Variants in ANTXR1 observed in about 807,000 individuals in gnomAD.
ANTXR1 encodes ANTXR cell adhesion molecule 1, also known as anthrax toxin receptor 1.
Under a neutral mutation model 78.1 loss-of-function variants are expected in ANTXR1, and 19 were observed. The ratio of observed to expected loss-of-function variants is 0.24; its 90% CI spans 0.17 to 0.36. The LOEUF is 0.36. Ranked by LOEUF, ANTXR1 falls within the 10% of genes least tolerant of loss-of-function variation. The pLI is 1.00. For missense variants in ANTXR1, 518 were observed against 718.6 expected, an observed-to-expected ratio of 0.72 and a Z score of 3.19; for synonymous variants, 273 against 260.5, an observed-to-expected ratio of 1.05 and a Z score of -0.46.
intron 6 of ANTXR1, among the ~76,000 whole-genome samples, chr2:69,074,840 G>T (rs1670681014): frequency 6.6e-6 from 1 of 152,192 alleles, no homozygotes; most frequent in Non-Finnish European, 1.5e-5. Context: ...CACTGTAAGT[G>T]CCAAGGATTT....
chr2:69,058,591 C>T (rs1393922041), intron 3 of ANTXR1, among the ~76,000 whole-genome samples: 1 of 152,048 alleles, frequency 6.6e-6, no homozygotes, highest in South Asian at 2.1e-4. Flanking sequence ...CACCTGGTCA[C>T]CTAAGAGATC....
chr2:69,210,429 A>G (rs1200277955), intron 17 of ANTXR1, among the ~76,000 whole-genome samples: 1 of 152,242 alleles, frequency 6.6e-6, no homozygotes, highest in Non-Finnish European at 1.5e-5. Context: ...GTCAGTGGGA[A>G]TAACCAAAAT....
chr2:69,211,922 T>C (rs2104499278), intron 17 of ANTXR1, among the ~76,000 whole-genome samples: 1 of 152,286 alleles, frequency 6.6e-6, no homozygotes, highest in South Asian at 2.1e-4. Flanking sequence ...CCGGCCCAAA[T>C]TATGCTGTTC....
intron 12 of ANTXR1, among the ~76,000 whole-genome samples, chr2:69,135,944 T>C (rs1192017641): frequency 6.6e-6 from 1 of 152,282 alleles, no homozygotes; most frequent in East Asian, 1.9e-4. Context: ...TTGCGTACAA[T>C]GAAGACTTAT....
intron 12 of ANTXR1, chr2:69,146,202 T>A (rs1045522515): frequency 3.0e-6 from 3 of 985,260 alleles, no homozygotes; most frequent in African/African-American, 1.7e-5. Context: ...TTAAAACTAT[T>A]CATTGAAGAA....
intron 6 of ANTXR1, among the ~76,000 whole-genome samples, chr2:69,075,102 A>G (rs1670689068): frequency 6.6e-6 from 1 of 152,130 alleles, no homozygotes; most frequent in South Asian, 2.1e-4. Context: ...ATGAGTATCT[A>G]CGTGGTTCTA....
chr2:69,110,584 C>A (rs1319248537), intron 10 of ANTXR1, among the ~76,000 whole-genome samples: 1 of 152,134 alleles, frequency 6.6e-6, no homozygotes, highest in Admixed American at 6.5e-5. Flanking sequence ...ACAGGCCGGG[C>A]GCGGTGGCTC....
Position 69,174,151 on chromosome 2 carries a change from A to G in ANTXR1, c.1089+3862A>G, listed in dbSNP as rs1674059372. The stretch of plus-strand genomic sequence containing the variant: ...TAGTTAAAACATTGTACTTTTTAGC[A>G]TCAAGCAAATCAAGGTCTTAGAATC... On this transcript the variant is annotated intron_variant, in intron 14 of 17. Transcript: ENST00000303714. 1.3e-5 allele frequency among the ~76,000 whole-genome samples: 2 copies of G among 152,222 alleles called. 1 individual carries two copies. The highest frequency in any genetic ancestry group is 1.3e-4 in the Admixed American group (2 of 15,294).
At chr2:69,164,890 GGTCTTTCTAATCAGCTATAAGCAA>G (rs532501891) in intron 13 of ANTXR1, among the ~76,000 whole-genome samples, 33 of 152,346 alleles carry the variant, frequency 2.2e-4, no homozygotes, top group Non-Finnish European at 4.3e-4. Flanking sequence ...CTTCAAAGCT[GGTCTTTCTAATCAGCTATAAGCAA>G]GTCTCAACAG....
At chr2:69,187,076 G>A (rs1674434970) in intron 16 of ANTXR1, among the ~76,000 whole-genome samples, 1 of 152,224 alleles carries the variant, frequency 6.6e-6, no homozygotes, top group Admixed American at 6.5e-5. Context: ...CATTGCATTA[G>A]ACCCATTGCT....
chr2:69,067,171 T>G (rs1205558162), intron 3 of ANTXR1, among the ~76,000 whole-genome samples: 2 of 152,152 alleles, frequency 1.3e-5, no homozygotes, highest in Non-Finnish European at 2.9e-5. Context: ...ATGTGTTATT[T>G]GATCTTTTGA....
In ANTXR1 at chr2:69,096,341, GAA is replaced by G. The variant is rs1671420917; in HGVS notation, c.703+5423_703+5424del. ...GGAAGGGAGGAAGGGAGGAAGGGAG[GAA>G]GGGAGGAAGGGAGGAAGGGAGGAAG... On this transcript the variant is annotated intron_variant, in intron 9 of 17. Transcript: ENST00000303714. 1.2e-4 allele frequency among the ~76,000 whole-genome samples: 2 copies of G among 17,210 alleles called. 1 individual carries two copies. The highest frequency in any genetic ancestry group is 1.1e-3 in the Admixed American group (2 of 1,760). 11.3% of individuals were successfully genotyped at this position (17,210 alleles called of 152,430 possible). A position where few individuals can be genotyped will look rare whatever the true frequency, so the allele number is the denominator to read the frequency against.
chr2:69,174,646 G>C (rs1674072987), intron 14 of ANTXR1, among the ~76,000 whole-genome samples: 1 of 152,130 alleles, frequency 6.6e-6, no homozygotes. Flanking sequence ...GAGAGAGAGA[G>C]AGAGTGTAAC....
intron 8 of ANTXR1, among the ~76,000 whole-genome samples, chr2:69,090,418 C>G (rs1477664497): frequency 6.6e-6 from 1 of 152,036 alleles, no homozygotes; most frequent in African/African-American, 2.4e-5. Context: ...TTCCATGAAG[C>G]CTTTCCTAGC....
At chr2:69,082,438 A>G (rs1403450825) in intron 8 of ANTXR1, among the ~76,000 whole-genome samples, 5 of 143,092 alleles carry the variant, frequency 3.5e-5, no homozygotes, top group Non-Finnish European at 7.4e-5. Context: ...ACTGTAAAGG[A>G]AGAAACTATT....
chr2:69,224,635 G>A (rs1353586444), intron 17 of ANTXR1, among the ~76,000 whole-genome samples: 1 of 152,088 alleles, frequency 6.6e-6, no homozygotes, highest in Non-Finnish European at 1.5e-5. Context: ...AGAGCATAAA[G>A]GATTGGCAGA....
chr2:69,066,344 T>G (rs1255209541), intron 3 of ANTXR1, among the ~76,000 whole-genome samples: 1 of 152,152 alleles, frequency 6.6e-6, no homozygotes, highest in Non-Finnish European at 1.5e-5. Flanking sequence ...TTCCCCAAGC[T>G]GGAGTGCAAT....
intron 10 of ANTXR1, among the ~76,000 whole-genome samples, chr2:69,107,115 C>A (rs1408858627): frequency 6.9e-6 from 1 of 145,504 alleles, no homozygotes; most frequent in Non-Finnish European, 1.5e-5. Context: ...GAAATTTCAT[C>A]CCCCCCCCGA....
At chr2:69,226,733 T>A (rs1414887588) in intron 17 of ANTXR1, among the ~76,000 whole-genome samples, 1 of 152,232 alleles carries the variant, frequency 6.6e-6, no homozygotes, top group African/African-American at 2.4e-5. Flanking sequence ...CCACTTTTAA[T>A]GAACAAATAA....
Sources: allele counts gnomAD v4.1 joint callset (sites outside exome capture counted in the v4.1 genomes callset), GRCh38; gene constraint gnomAD v4.1.1; transcripts MANE v1.5; gene names NCBI Gene and HGNC (gene_info 2026-07-23, HGNC 2026-07-21).